The following MAP3K9 variants were observed in gnomAD, a reference collection of about 807,000 sequenced individuals.
MAP3K9 encodes mixed lineage kinase 1 (tyr and ser/thr specificity).
MAP3K9 carries 46 observed loss-of-function variants against 95.8 expected under a neutral mutation model. The ratio of observed to expected loss-of-function variants is 0.48; its 90% CI spans 0.38 to 0.61. The LOEUF is 0.61. Ranked by LOEUF, MAP3K9 falls within the 20% of genes least tolerant of loss-of-function variation. The probability of loss-of-function intolerance (pLI) is 0.00; values close to 1 mark genes in which losing one functional copy is unlikely to be tolerated. For synonymous variants in MAP3K9, 533 were observed against 593.8 expected (o/e 0.90, Z 1.49); for missense variants, 1,296 against 1,474.3 (o/e 0.88, Z 1.98).
chr14:70,797,635 G>A (rs964196671), intron 2 of MAP3K9, among the ~76,000 whole-genome samples: 1 of 152,104 alleles, frequency 6.6e-6, no homozygotes, highest in African/African-American at 2.4e-5. Flanking sequence ...CTACTCAGGA[G>A]GCCGAGGCAG....
intron 6 of MAP3K9, among the ~76,000 whole-genome samples, chr14:70,741,442 C>T (rs191452199): frequency 1.3e-4 from 20 of 152,264 alleles, no homozygotes; most frequent in Admixed American, 1.1e-3. Flanking sequence ...AGACTTAGAA[C>T]ACAGTGAATA....
chr14:70,759,167 C>T (rs1448057751), intron 3 of MAP3K9, among the ~76,000 whole-genome samples: 2 of 152,028 alleles, frequency 1.3e-5, no homozygotes, highest in South Asian at 2.1e-4. Context: ...GGAAATTGGC[C>T]GGGCATGGTG....
chr14:70,802,015 A>C (rs2139862860), intron 1 of MAP3K9, among the ~76,000 whole-genome samples: 1 of 152,316 alleles, frequency 6.6e-6, no homozygotes, highest in East Asian at 1.9e-4. Flanking sequence ...GAGGGGCTTG[A>C]ACATCACATT....
chr14:70,801,709 C>T (rs2054932329), intron 1 of MAP3K9, among the ~76,000 whole-genome samples: 1 of 152,214 alleles, frequency 6.6e-6, no homozygotes, highest in Admixed American at 6.5e-5. Context: ...CTAGCTCCCA[C>T]AGCAGCACAG....
At position 70,741,176 on chromosome 14, in the gene MAP3K9, C is replaced by T. The variant is rs549776944; in HGVS notation, c.1568-1012G>A. 6.6e-5 allele frequency among the ~76,000 whole-genome samples: 10 copies of T among 152,256 alleles called. No homozygotes were observed. In the South Asian group the frequency reaches 1.0e-3, roughly 16 times the overall value. On this transcript the variant is annotated intron_variant, in intron 6 of 11. Transcript: ENST00000554752. ...CGCAATCTCCGCTTACTGCAACCTCCGCCTCCCAGGTTCAAGCAATTCTCC... is the reference window on the plus strand; with the variant it reads ...CGCAATCTCCGCTTACTGCAACCTCTGCCTCCCAGGTTCAAGCAATTCTCC...
chr14:70,747,380 C>T (rs1380019713), intron 5 of MAP3K9, among the ~76,000 whole-genome samples: 1 of 152,176 alleles, frequency 6.6e-6, no homozygotes, highest in Admixed American at 6.5e-5. Flanking sequence ...CTTCCTGCCA[C>T]CATGTGAAGA....
intron 3 of MAP3K9, among the ~76,000 whole-genome samples, chr14:70,750,502 T>TTTC (rs1566740833): frequency 2.0e-5 from 3 of 152,012 alleles, no homozygotes; most frequent in African/African-American, 2.4e-5. Flanking sequence ...TTGTTTGTTT[T>TTTC]GGGATGGAGT....
At chr14:70,771,921 C>T (rs1438090467) in intron 2 of MAP3K9, among the ~76,000 whole-genome samples, 2 of 152,236 alleles carry the variant, frequency 1.3e-5, no homozygotes, top group African/African-American at 2.4e-5. Flanking sequence ...GCAGCAAGAG[C>T]TGCATGAGAG....
intron 1 of MAP3K9, among the ~76,000 whole-genome samples, chr14:70,807,698 A>G (rs1044592524): frequency 6.6e-6 from 1 of 152,260 alleles, no homozygotes; most frequent in Non-Finnish European, 1.5e-5. Flanking sequence ...TACCTTTTTA[A>G]CAGATAAGAG....
chr14:70,744,567 T>C lies in MAP3K9; in HGVS notation c.1327-1976A>G, dbSNP rs2054119832. On this transcript the variant is annotated intron_variant, in intron 5 of 11. Coordinates refer to ENST00000554752, the MANE Select transcript of MAP3K9 (RefSeq NM_001284230.2). ...CCACTGAGGTATGTGGTTTCAACTC[T>C]CACCTTATCTTAAAGGACAATGATT... is the stretch of plus-strand genomic sequence containing the variant. Among the ~76,000 whole-genome samples, 3 of 152,276 alleles carry C rather than the reference T, an allele frequency of 2.0e-5. No homozygotes were observed. In the South Asian group the frequency reaches 6.2e-4, roughly 32 times the overall value.
intron 1 of MAP3K9, among the ~76,000 whole-genome samples, chr14:70,803,463 G>A (rs1308504461): frequency 6.6e-6 from 1 of 150,506 alleles, no homozygotes; most frequent in East Asian, 1.9e-4. Flanking sequence ...TGAACTTTTG[G>A]CAAGACCAAA....
Position 70,729,637 on chromosome 14 carries a change from A to G in MAP3K9, c.*743T>C, listed in dbSNP as rs2053866632. 6.6e-6 allele frequency: 1 copy of G among 152,222 alleles called. No individual in the cohort carries two copies. The highest frequency in any genetic ancestry group is 1.5e-5 in the Non-Finnish European group (1 of 68,058). 9.4% of individuals were successfully genotyped at this position (152,222 alleles called of 1,614,324 possible). A position where few individuals can be genotyped will look rare whatever the true frequency, so the allele number is the denominator to read the frequency against. The stretch of plus-strand genomic sequence containing the variant: ...TTTGCCCTTTGCCGAGAGTTTCCAA[A>G]AAGAACAAGGACATACTTCATGAAC... On this transcript the variant is annotated 3_prime_UTR_variant, in exon 12 of 12. Coordinates refer to ENST00000554752, the MANE Select transcript of MAP3K9 (RefSeq NM_001284230.2).
intron 2 of MAP3K9, among the ~76,000 whole-genome samples, chr14:70,775,380 T>C (rs984338480): frequency 1.3e-5 from 2 of 152,196 alleles, no homozygotes; most frequent in African/African-American, 4.8e-5. Flanking sequence ...AATCTTGCTC[T>C]GGCTTCTAGG....
chr14:70,787,230 TGG>T (rs969281704), intron 2 of MAP3K9, among the ~76,000 whole-genome samples: 2 of 152,094 alleles, frequency 1.3e-5, no homozygotes, highest in Non-Finnish European at 2.9e-5. Context: ...AGTCACTGGC[TGG>T]GCGCAGTGGC....
At chr14:70,802,573 C>A (rs1382503954) in intron 1 of MAP3K9, among the ~76,000 whole-genome samples, 4 of 152,026 alleles carry the variant, frequency 2.6e-5, no homozygotes, top group Non-Finnish European at 5.9e-5. Flanking sequence ...TTTCTTTTGT[C>A]TTTACCTGGC....
intron 2 of MAP3K9, 100 bp downstream of exon 2, chr14:70,800,567 A>T: frequency 8.2e-7 from 1 of 1,217,646 alleles, no homozygotes; most frequent in Non-Finnish European, 1.2e-6. Context: ...AAGGAGTTTC[A>T]CTGCCCTCTA....
rs967203310 is a variant in MAP3K9, at chr14:70,727,122, A to G, written c.*3258T>C. The G allele has an allele frequency of 2.0e-5, 3 of 152,224 alleles. No individual in the cohort carries two copies. Among genetic ancestry groups the G allele is most frequent in the Admixed American group, 1.3e-4 (2 of 15,286 alleles). The allele number at this position is 152,224 out of a possible 1,614,324, so 9.4% of individuals were successfully genotyped here. On this transcript the variant is annotated 3_prime_UTR_variant, in exon 12 of 12. Transcript: ENST00000554752. The stretch of plus-strand genomic sequence containing the variant: ...GGGTATCAAATGTACAAGGAAAATG[A>G]TGTCATTTTGCAAAGGTCAGGAGGA...
At chr14:70,777,724 G>C (rs898448264) in intron 2 of MAP3K9, among the ~76,000 whole-genome samples, 1 of 152,172 alleles carries the variant, frequency 6.6e-6, no homozygotes, top group Non-Finnish European at 1.5e-5. Flanking sequence ...GATATATCAG[G>C]ACCATGAGGC....
intron 2 of MAP3K9, among the ~76,000 whole-genome samples, chr14:70,776,051 T>C (rs1356613310): frequency 6.6e-6 from 1 of 152,062 alleles, no homozygotes; most frequent in African/African-American, 2.4e-5. Context: ...TAGCTGAGCA[T>C]GATGGCGGGC....
Sources: gnomAD v4.1 joint callset for allele counts (sites outside exome capture counted in the v4.1 genomes callset) on GRCh38, gnomAD v4.1.1 for gene constraint, MANE v1.5 for transcripts, NCBI Gene and HGNC (gene_info 2026-07-23, HGNC 2026-07-21) for gene names.